The following VOPP1 variants were observed in gnomAD, a reference collection of about 807,000 sequenced individuals.
VOPP1 encodes WW domain binding protein VOPP1.
A neutral mutation model predicts 23.5 loss-of-function variants in VOPP1; 8 were observed. That is an observed-to-expected ratio of 0.34 (90% CI 0.20 to 0.61). The LOEUF (loss-of-function observed/expected upper bound fraction) is 0.61, where lower values mean the gene tolerates loss of function less well. Ranked by LOEUF, VOPP1 falls within the 20% of genes least tolerant of loss-of-function variation. The pLI, the probability that VOPP1 is intolerant of heterozygous loss-of-function variation, is 0.78. For missense variants in VOPP1, 174 were observed against 238.1 expected, an observed-to-expected ratio of 0.73 and a Z score of 1.77; for synonymous variants, 83 against 97.3, an observed-to-expected ratio of 0.85 and a Z score of 0.86.
chr7:55,512,433 A>G (rs985026984), intron 2 of VOPP1, among the ~76,000 whole-genome samples: 11 of 152,104 alleles, frequency 7.2e-5, no homozygotes, highest in African/African-American at 2.4e-4. Context: ...CAAAAAAAAA[A>G]GGAAAAGAAA....
At chr7:55,467,273 C>A (rs1019324373), downstream of VOPP1, among the ~76,000 whole-genome samples, 1 of 152,196 alleles carries the variant, frequency 6.6e-6, no homozygotes, top group Non-Finnish European at 1.5e-5. Context: ...AAGCTCTGGG[C>A]CTTTAATTCC....
intron 2 of VOPP1, among the ~76,000 whole-genome samples, chr7:55,509,905 T>G (rs1002819117): frequency 1.3e-5 from 2 of 152,238 alleles, no homozygotes; most frequent in Non-Finnish European, 2.9e-5. Context: ...GCCCACCGCC[T>G]GTTCCTCTGC....
chr7:55,461,374 T>C (rs998676202), intron 4 of VOPP1, among the ~76,000 whole-genome samples: 4 of 152,076 alleles, frequency 2.6e-5, no homozygotes, highest in African/African-American at 7.2e-5. Context: ...TGTTCACCAA[T>C]AACCTACAGA....
chr7:55,563,935 C>T (rs1195293102), intron 1 of VOPP1, among the ~76,000 whole-genome samples: 1 of 151,998 alleles, frequency 6.6e-6, no homozygotes. Context: ...GAGAAAGCTG[C>T]TCAATTTGGG....
chr7:55,439,746 T>C (rs998860578), intron 4 of VOPP1, among the ~76,000 whole-genome samples: 4 of 152,114 alleles, frequency 2.6e-5, no homozygotes, highest in African/African-American at 9.7e-5. Context: ...CTCAGTGAAG[T>C]AGGCGCCAGC....
rs149357093 is a variant in VOPP1, at chr7:55,554,741, C to G, written c.54+17530G>C. On this transcript the variant is annotated intron_variant, in intron 1 of 4. Coordinates refer to ENST00000285279, the MANE Select transcript of VOPP1 (RefSeq NM_030796.5). ...CTCTGGGCCACCCTGGAGGAGGTCT[C>G]TGTTAGACAACTGGGTCGATAGGGG... is the stretch of plus-strand genomic sequence containing the variant. Among the ~76,000 whole-genome samples, 237 of 152,302 alleles carry G rather than the reference C, an allele frequency of 1.6e-3. 1 individual carries two copies. The highest frequency in any genetic ancestry group is 4.1e-3 in the Admixed American group (63 of 15,296).
At chr7:55,452,030 T>C (rs1417967262) in intron 4 of VOPP1, among the ~76,000 whole-genome samples, 1 of 152,206 alleles carries the variant, frequency 6.6e-6, no homozygotes, top group Non-Finnish European at 1.5e-5. Flanking sequence ...TGCGACGCTG[T>C]TTGACAGAAT....
rs146032220 is a variant in VOPP1 at position 55,554,480 on chromosome 7, G to T, written c.54+17791C>A. On this transcript the variant is annotated intron_variant, in intron 1 of 4. Transcript: ENST00000285279. ...ATGGAGAAGAAACATCCCAAGGACT[G>T]TACACGAGGAAAATGGCCTGGACTG... Among the ~76,000 whole-genome samples, 66 of 152,380 alleles carry T rather than the reference G, an allele frequency of 4.3e-4. 1 individual carries two copies. The East Asian group carries it at 0.011, about 26-fold the overall frequency.
chr7:55,474,138 C>A (rs1792055887), intron 4 of VOPP1, among the ~76,000 whole-genome samples: 1 of 152,242 alleles, frequency 6.6e-6, no homozygotes, highest in South Asian at 2.1e-4. Context: ...ACAGATGCCA[C>A]CCTGTGTGAG....
chr7:55,484,115 AC>A (rs1229263660), intron 4 of VOPP1, among the ~76,000 whole-genome samples: 6 of 151,936 alleles, frequency 3.9e-5, no homozygotes, highest in African/African-American at 1.5e-4. Flanking sequence ...CATAATATAG[AC>A]TGTGGATGAT....
At chr7:55,451,009 C>CT (rs989686108) in intron 4 of VOPP1, among the ~76,000 whole-genome samples, 4 of 152,212 alleles carry the variant, frequency 2.6e-5, no homozygotes, top group African/African-American at 4.8e-5. Flanking sequence ...GAACATACAT[C>CT]TTTTTTTGTA....
At chr7:55,480,879 CT>C (rs1792654819) in intron 4 of VOPP1, among the ~76,000 whole-genome samples, 1 of 150,440 alleles carries the variant, frequency 6.6e-6, no homozygotes, top group Non-Finnish European at 1.5e-5. Flanking sequence ...AACTGAAAAT[CT>C]CAGTTCTCAC....
chr7:55,525,796 A>T lies in VOPP1; in HGVS notation c.55-4666T>A, dbSNP rs866405280. Among the ~76,000 whole-genome samples the T allele has an allele frequency of 1.7e-3, 245 of 146,646 alleles. 3 individuals carry two copies. The highest frequency in any genetic ancestry group is 5.6e-3 in the African/African-American group (222 of 39,856). On this transcript the variant is annotated intron_variant, in intron 1 of 4. Coordinates refer to ENST00000285279, the MANE Select transcript of VOPP1 (RefSeq NM_030796.5). ...AAAAGGAAAAAACCTCTCTAAAAAAAAAAAAAAAAAAAAAAAAAAACCTTA... is the reference window on the plus strand; with the variant it reads ...AAAAGGAAAAAACCTCTCTAAAAAATAAAAAAAAAAAAAAAAAAAACCTTA...
intron 1 of VOPP1, among the ~76,000 whole-genome samples, chr7:55,538,196 G>T (rs1176537228): frequency 1.3e-5 from 2 of 152,234 alleles, no homozygotes; most frequent in African/African-American, 4.8e-5. Context: ...GTATTGCAAA[G>T]TCAGTCTATT....
chr7:55,506,262 A>G (rs117410067), intron 2 of VOPP1, among the ~76,000 whole-genome samples: 1,670 of 152,248 alleles, frequency 0.011, 11 homozygotes, highest in Middle Eastern at 0.02. Context: ...TTGCAAGCTC[A>G]CTTCCCTTTC....
At chr7:55,485,569 C>T (rs1045260886) in intron 4 of VOPP1, among the ~76,000 whole-genome samples, 1 of 152,210 alleles carries the variant, frequency 6.6e-6, no homozygotes, top group Non-Finnish European at 1.5e-5. Flanking sequence ...GAGAGGAGGT[C>T]GGAAGTCACT....
In VOPP1 at chr7:55,555,293, C is replaced by G. The variant is rs535511931; in HGVS notation, c.54+16978G>C. On this transcript the variant is annotated intron_variant, in intron 1 of 4. Coordinates refer to ENST00000285279, the MANE Select transcript of VOPP1 (RefSeq NM_030796.5). Reference sequence around the variant, plus strand: ...ACAGCTTGCCCTCCCGACCACCCCCCAGCTCAATCGCTGGCCCCAGGGAAG... The same window carrying G: ...ACAGCTTGCCCTCCCGACCACCCCCGAGCTCAATCGCTGGCCCCAGGGAAG... Among the ~76,000 whole-genome samples, 195 of 152,312 alleles carry G rather than the reference C, an allele frequency of 1.3e-3. 2 individuals carry two copies. The highest frequency in any genetic ancestry group is 0.013 in the Admixed American group (194 of 15,304).
chr7:55,455,824 A>C (rs921124526), intron 4 of VOPP1, among the ~76,000 whole-genome samples: 34 of 152,232 alleles, frequency 2.2e-4, no homozygotes, highest in Non-Finnish European at 5.0e-4. Context: ...AAATACTTAA[A>C]CGTAAGACCT....
At chr7:55,558,490 T>A (rs1797881664) in intron 1 of VOPP1, among the ~76,000 whole-genome samples, 1 of 152,170 alleles carries the variant, frequency 6.6e-6, no homozygotes, top group African/African-American at 2.4e-5. Flanking sequence ...CCTGCTAACC[T>A]GTTCAGGTGT....
Sources: gnomAD v4.1 joint callset for allele counts (sites outside exome capture counted in the v4.1 genomes callset) on GRCh38, gnomAD v4.1.1 for gene constraint, MANE v1.5 for transcripts, NCBI Gene and HGNC (gene_info 2026-07-23, HGNC 2026-07-21) for gene names.